The following DOCK7 variants were observed in gnomAD, a reference collection of about 807,000 sequenced individuals.
The protein encoded by DOCK7 is dedicator of cytokinesis protein 7.
A neutral mutation model predicts 271.0 loss-of-function variants in DOCK7; 138 were observed. The observed-to-expected ratio is 0.51, with a 90% CI of 0.44 to 0.59. DOCK7 has a LOEUF of 0.59. DOCK7 is among the 20% of genes least tolerant of loss of function. The probability of loss-of-function intolerance (pLI) is 0.00; values close to 1 mark genes in which losing one functional copy is unlikely to be tolerated. For synonymous variants in DOCK7, 823 were observed against 876.1 expected (o/e 0.94, Z 1.07); for missense variants, 2,066 against 2,592.4 (o/e 0.80, Z 4.41).
intron 8 of DOCK7, among the ~76,000 whole-genome samples, chr1:62,636,035 G>A (rs1324632642): frequency 2.0e-5 from 3 of 152,128 alleles, no homozygotes; most frequent in East Asian, 1.9e-4. Flanking sequence ...GGCGGATCAC[G>A]AGGTCAGAAG....
Position 62,513,898 on chromosome 1 carries a change from T to C in DOCK7, c.3937A>G (p.Ser1313Gly), listed in dbSNP as rs748252954. ...GAAAAGGTAGTGTGTTGCCTGCCACTCTGAAAATAAAGAGCAGTAGAATGA... is the reference window on the plus strand; with the variant it reads ...GAAAAGGTAGTGTGTTGCCTGCCACCCTGAAAATAAAGAGCAGTAGAATGA... ...RPGSFLLTSTSGRQHTTFSAE... is the reference protein window; with the variant it reads ...RPGSFLLTSTGGRQHTTFSAE... Residue 1313 changes from serine (S) to glycine (G), a missense_variant and splice_region_variant, in exon 32 of 50, where the codon AGT becomes GGT. By Grantham distance (56) the Ser-to-Gly change is moderately conservative (BLOSUM62 0). Coordinates refer to ENST00000635253, the MANE Select transcript of DOCK7 (RefSeq NM_001367561.1). 5.6e-6 allele frequency: 9 copies of C among 1,610,712 alleles called. No individual in the cohort carries two copies. The highest frequency in any genetic ancestry group is 7.6e-6 in the Non-Finnish European group (9 of 1,178,894).
chr1:62,632,533 T>A (rs1208408294), intron 10 of DOCK7, among the ~76,000 whole-genome samples: 2 of 152,218 alleles, frequency 1.3e-5, no homozygotes, highest in Non-Finnish European at 2.9e-5. Context: ...TTACCCAGTA[T>A]TCCTCAAGCA....
intron 10 of DOCK7, among the ~76,000 whole-genome samples, chr1:62,633,198 T>G (rs531614194): frequency 2.2e-4 from 33 of 152,192 alleles, no homozygotes; most frequent in Non-Finnish European, 4.1e-4. Context: ...TTAATTTAGT[T>G]CTCTCCATGA....
intron 7 of DOCK7, among the ~76,000 whole-genome samples, chr1:62,638,971 C>T (rs1329255904): frequency 6.6e-6 from 1 of 151,764 alleles, no homozygotes; most frequent in Non-Finnish European, 1.5e-5. Flanking sequence ...ATAATATTAA[C>T]AGCATTCATT....
chr1:62,578,815 CA>C lies in DOCK7; in HGVS notation c.2010+12del. ...TAGCTCTTTGATCTAAATATTGAAC[CA>C]AAAGGACTCACTGTATATCCAACTG... On this transcript the variant is annotated intron_variant, in intron 17 of 49. Coordinates refer to ENST00000635253, the MANE Select transcript of DOCK7 (RefSeq NM_001367561.1). 1 of 1,564,442 alleles carries C rather than the reference CA, an allele frequency of 6.4e-7. No individual in the cohort carries two copies. The highest frequency in any genetic ancestry group is 8.6e-7 in the Non-Finnish European group (1 of 1,160,186).
At chr1:62,679,853 G>A (rs1464051549) in intron 1 of DOCK7, among the ~76,000 whole-genome samples, 1 of 152,120 alleles carries the variant, frequency 6.6e-6, no homozygotes, top group Non-Finnish European at 1.5e-5. Context: ...CCTCTTCAAG[G>A]AGAACTACAA....
In DOCK7 at chr1:62,611,711, C is replaced by T. The variant is rs554608079; in HGVS notation, c.1682+6995G>A. Among the ~76,000 whole-genome samples the T allele has an allele frequency of 3.3e-5, 5 of 152,042 alleles. No homozygotes were observed. The South Asian group carries it at 1.0e-3, about 32-fold the overall frequency. ...ACATATTCTGACTGGCCAAGCTCTT[C>T]CTTGAAACAATATTTTAGGAAAAAA... On this transcript the variant is annotated intron_variant, in intron 14 of 49. Coordinates refer to ENST00000635253, the MANE Select transcript of DOCK7 (RefSeq NM_001367561.1).
At chr1:62,492,676 G>A in intron 41 of DOCK7, 28 bp downstream of exon 41, 1 of 1,612,944 alleles carries the variant, frequency 6.2e-7, no homozygotes, top group Non-Finnish European at 8.5e-7. Flanking sequence ...ATGAAACTGT[G>A]GGAAAAGAAT....
intron 29 of DOCK7, among the ~76,000 whole-genome samples, chr1:62,532,227 G>A (rs1645196463): frequency 6.6e-6 from 1 of 152,018 alleles, no homozygotes; most frequent in African/African-American, 2.4e-5. Context: ...TAGAGATGGG[G>A]TTTTACTATG....
chr1:62,459,606 AATT>A (rs1425358672), intron 48 of DOCK7, among the ~76,000 whole-genome samples: 7 of 152,242 alleles, frequency 4.6e-5, no homozygotes, highest in East Asian at 3.9e-4. Flanking sequence ...TTTTTTGCTA[AATT>A]ATTAATAATC....
At chr1:62,544,065 T>C (rs1645622756) in intron 23 of DOCK7, among the ~76,000 whole-genome samples, 1 of 152,006 alleles carries the variant, frequency 6.6e-6, no homozygotes, top group Admixed American at 6.6e-5. Flanking sequence ...TAAAAATATA[T>C]AAAAAGTAAA....
Position 62,565,843 on chromosome 1 carries a change from G to A in DOCK7, c.2113-4140C>T, listed in dbSNP as rs191802772. ...GCCCAAAATCTCCTTAAGCTGATAA[G>A]CAACTTCAGCAAAGTCTCAGGATAC... On this transcript the variant is annotated intron_variant, in intron 18 of 49. Transcript: ENST00000635253. 8.4e-3 allele frequency among the ~76,000 whole-genome samples: 1,276 copies of A among 152,268 alleles called. 14 individuals carry two copies. Among genetic ancestry groups the A allele is most frequent in the Non-Finnish European group, 0.015 (988 of 68,016 alleles).
chr1:62,676,060 G>A (rs1660519535), intron 1 of DOCK7, among the ~76,000 whole-genome samples: 1 of 152,084 alleles, frequency 6.6e-6, no homozygotes, highest in African/African-American at 2.4e-5. Flanking sequence ...CACAAGAATT[G>A]AAAACAAGCC....
chr1:62,485,328 T>C, intron 43 of DOCK7: 3 of 985,246 alleles, frequency 3.0e-6, no homozygotes, highest in Non-Finnish European at 3.6e-6. Context: ...AATACTAAGT[T>C]TTAGAGTTAT....
At chr1:62,616,429 T>C (rs1652447287) in intron 14 of DOCK7, among the ~76,000 whole-genome samples, 1 of 150,000 alleles carries the variant, frequency 6.7e-6, no homozygotes, top group Admixed American at 6.6e-5. Flanking sequence ...TTGAGGCTAA[T>C]GTAAGATAAA....
intron 35 of DOCK7, among the ~76,000 whole-genome samples, chr1:62,507,485 G>GA (rs1248431209): frequency 6.6e-6 from 1 of 152,142 alleles, no homozygotes; most frequent in African/African-American, 2.4e-5. Context: ...GTTTAACACA[G>GA]AAAAAACTAA....
At chr1:62,662,964 T>C in intron 2 of DOCK7, 61 bp downstream of exon 2, 1 of 1,360,890 alleles carries the variant, frequency 7.3e-7, no homozygotes, top group South Asian at 1.3e-5. Flanking sequence ...TTTCCACTAT[T>C]TTTTCATGGC....
intron 1 of DOCK7, among the ~76,000 whole-genome samples, chr1:62,668,448 G>T (rs1351204160): frequency 6.6e-6 from 1 of 152,148 alleles, no homozygotes; most frequent in Non-Finnish European, 1.5e-5. Flanking sequence ...TATATTTTGG[G>T]GGATGAGAAA....
Position 62,565,329 on chromosome 1 carries a change from G to A in DOCK7, c.2113-3626C>T, listed in dbSNP as rs535505365. ...ATCCTCAATAAAATACTGGCAAACC[G>A]AATGCAGCAGCACACCAAAAAGCTT... On this transcript the variant is annotated intron_variant, in intron 18 of 49. Coordinates refer to ENST00000635253, the MANE Select transcript of DOCK7 (RefSeq NM_001367561.1). 1.4e-4 allele frequency among the ~76,000 whole-genome samples: 22 copies of A among 152,198 alleles called. No individual in the cohort carries two copies. The South Asian group carries it at 3.5e-3, about 24-fold the overall frequency.
Sources: allele counts gnomAD v4.1 joint callset (sites outside exome capture counted in the v4.1 genomes callset), GRCh38; gene constraint gnomAD v4.1.1; transcripts MANE v1.5; gene names NCBI Gene and HGNC (gene_info 2026-07-23, HGNC 2026-07-21).